Variants in DRC8 observed in about 807,000 individuals in gnomAD.
DRC8 encodes the protein dynein regulatory complex protein 8.
At chr1:244,995,102 C>A in the DRC8 span, among the ~76,000 whole-genome samples, 1 of 152,128 alleles carries the variant, frequency 6.6e-6, no homozygotes, top group Non-Finnish European at 1.5e-5. Context: ...GTGGCTCACA[C>A]CTGTCATCCC....
the DRC8 span, among the ~76,000 whole-genome samples, chr1:244,989,682 C>A: frequency 6.6e-6 from 1 of 152,136 alleles, no homozygotes; most frequent in Non-Finnish European, 1.5e-5. Context: ...GGAAGGAAGT[C>A]ATATGTGCAG....
the DRC8 span, among the ~76,000 whole-genome samples, chr1:245,119,847 G>A: frequency 2.0e-5 from 3 of 151,566 alleles, no homozygotes; most frequent in East Asian, 3.9e-4. Flanking sequence ...GCAGGAGAAT[G>A]GCGTGAACCC....
the DRC8 span, chr1:244,969,828 G>A: frequency 7.7e-6 from 3 of 389,534 alleles, no homozygotes; most frequent in South Asian, 4.1e-5. Flanking sequence ...AACCGGGAGG[G>A]CAGGCGCGGC....
the DRC8 span, among the ~76,000 whole-genome samples, chr1:245,051,651 T>C: frequency 6.6e-6 from 1 of 152,120 alleles, no homozygotes; most frequent in Middle Eastern, 3.4e-3. Context: ...AGAAGAAGTG[T>C]TGTGATTAGT....
chr1:245,120,465 C>T, the DRC8 span, among the ~76,000 whole-genome samples: 1 of 152,174 alleles, frequency 6.6e-6, no homozygotes, highest in Non-Finnish European at 1.5e-5. Flanking sequence ...TTCAGAAACT[C>T]TGATTTATTT....
chr1:245,067,381 C>T, the DRC8 span, among the ~76,000 whole-genome samples: 1 of 152,132 alleles, frequency 6.6e-6, no homozygotes, highest in Non-Finnish European at 1.5e-5. Flanking sequence ...ACAAATGTTA[C>T]AGTTTTTTTT....
chr1:245,086,402 C>T, the DRC8 span, among the ~76,000 whole-genome samples: 1 of 152,196 alleles, frequency 6.6e-6, no homozygotes, highest in African/African-American at 2.4e-5. Flanking sequence ...TTTTTAAGTA[C>T]ATTTATGCTA....
the DRC8 span, among the ~76,000 whole-genome samples, chr1:245,000,392 T>G: frequency 6.6e-6 from 1 of 152,212 alleles, no homozygotes; most frequent in Non-Finnish European, 1.5e-5. Context: ...GGACCACGGT[T>G]GAGTGTGCTA....
At chr1:244,979,774 G>A in the DRC8 span, among the ~76,000 whole-genome samples, 1 of 151,966 alleles carries the variant, frequency 6.6e-6, no homozygotes, top group African/African-American at 2.4e-5. Context: ...ATAGCACAGA[G>A]AACAAGTAGG....
At chr1:245,084,504 A>C in the DRC8 span, among the ~76,000 whole-genome samples, 4 of 152,194 alleles carry the variant, frequency 2.6e-5, no homozygotes, top group Non-Finnish European at 5.9e-5. Context: ...CATCATACAT[A>C]TATGCATACA....
the DRC8 span, among the ~76,000 whole-genome samples, chr1:245,110,580 A>G: frequency 6.6e-6 from 1 of 152,394 alleles, no homozygotes; most frequent in East Asian, 1.9e-4. Context: ...CCACAGACAG[A>G]TGGCCTGCCA....
At chr1:245,124,492 A>G in the DRC8 span, 1 of 152,180 alleles carries the variant, frequency 6.6e-6, no homozygotes, top group Admixed American at 6.5e-5. Context: ...CTGGACAGAA[A>G]TATAGTTGTA....
chr1:245,043,127 G>A, the DRC8 span, among the ~76,000 whole-genome samples: 1 of 152,130 alleles, frequency 6.6e-6, no homozygotes, highest in Non-Finnish European at 1.5e-5. Flanking sequence ...AGACATCTAC[G>A]TTGACAAAAG....
the DRC8 span, chr1:245,087,077 G>A: frequency 1.3e-5 from 13 of 990,648 alleles, no homozygotes; most frequent in Non-Finnish European, 1.9e-5. Context: ...CAATAGCCTT[G>A]TCTTTGAACC....
chr1:245,048,077 T>TGAGGAG, the DRC8 span, among the ~76,000 whole-genome samples: 2 of 150,822 alleles, frequency 1.3e-5, no homozygotes, highest in South Asian at 2.1e-4. Flanking sequence ...TGGAGGAGGC[T>TGAGGAG]GAGGAGGAGG....
At chr1:245,096,769 G>C in the DRC8 span, among the ~76,000 whole-genome samples, 4 of 152,228 alleles carry the variant, frequency 2.6e-5, no homozygotes, top group African/African-American at 9.6e-5. Context: ...GAGATGGCTT[G>C]AGGCTAATGC....
At chr1:245,110,333 G>T in the DRC8 span, among the ~76,000 whole-genome samples, 1 of 152,182 alleles carries the variant, frequency 6.6e-6, no homozygotes, top group Non-Finnish European at 1.5e-5. Flanking sequence ...GCTGTGAGCC[G>T]AGATTGCACC....
At chr1:245,032,048 C>T in the DRC8 span, among the ~76,000 whole-genome samples, 2 of 152,154 alleles carry the variant, frequency 1.3e-5, no homozygotes, top group Non-Finnish European at 2.9e-5. Flanking sequence ...CCATGGCCAA[C>T]TGTAGCAATA....
chr1:244,981,140 C>T, the DRC8 span, among the ~76,000 whole-genome samples: 2 of 152,132 alleles, frequency 1.3e-5, no homozygotes, highest in African/African-American at 2.4e-5. Flanking sequence ...GCCGAGATCA[C>T]GCCATTGCAC....
Sources: gnomAD v4.1 joint callset for allele counts (sites outside exome capture counted in the v4.1 genomes callset) on GRCh38, gnomAD v4.1.1 for gene constraint, MANE v1.5 for transcripts, NCBI Gene and HGNC (gene_info 2026-07-23, HGNC 2026-07-21) for gene names.